GPC5: variants seen among roughly 807,000 people sequenced by gnomAD.
GPC5 encodes glypican-5.
A neutral mutation model predicts 53.9 loss-of-function variants in GPC5; 47 were observed. That is an observed-to-expected ratio of 0.87 (90% CI 0.69 to 1.11). GPC5 has a LOEUF of 1.11. Among genes scored for constraint, GPC5 ranks in the 50% most tolerant of loss-of-function variants. The pLI is 0.00. For synonymous variants in GPC5, 286 were observed against 263.3 expected (o/e 1.09, Z -0.84); for missense variants, 748 against 713.1 (o/e 1.05, Z -0.56).
intron 7 of GPC5, among the ~76,000 whole-genome samples, chr13:92,379,262 A>G (rs1045913954): frequency 1.3e-5 from 2 of 152,196 alleles, no homozygotes; most frequent in Non-Finnish European, 2.9e-5. Flanking sequence ...TAAGTTAATC[A>G]ATGTCCCTTC....
Position 92,560,857 on chromosome 13 carries a change from ATGTG to A in GPC5, c.1562-305387_1562-305384del, listed in dbSNP as rs34114433. On this transcript the variant is annotated intron_variant, in intron 7 of 7. Transcript: ENST00000377067. ...AAATGTTAGAGAAATAGAAAATTAT[ATGTG>A]TGTGTGTGTGTGTGTGTGTGTGTGT... 6.9e-3 allele frequency among the ~76,000 whole-genome samples: 956 copies of A among 139,244 alleles called. 8 individuals are homozygous for A. Among genetic ancestry groups the A allele is most frequent in the African/African-American group, 0.019 (723 of 38,088 alleles). 91.3% of individuals were successfully genotyped at this position (139,244 alleles called of 152,430 possible).
chr13:92,434,312 GA>G (rs1208390136), intron 7 of GPC5, among the ~76,000 whole-genome samples: 3 of 151,858 alleles, frequency 2.0e-5, no homozygotes, highest in Non-Finnish European at 4.4e-5. Context: ...AGTCATTCAA[GA>G]AAAAAATGTC....
chr13:91,572,490 A>G (rs1255009492), intron 2 of GPC5, among the ~76,000 whole-genome samples: 1 of 152,080 alleles, frequency 6.6e-6, no homozygotes, highest in East Asian at 1.9e-4. Flanking sequence ...CAGGAAGCTT[A>G]TAATCATGGC....
intron 6 of GPC5, among the ~76,000 whole-genome samples, chr13:91,935,836 G>C (rs1315357362): frequency 6.6e-6 from 1 of 151,920 alleles, no homozygotes; most frequent in Non-Finnish European, 1.5e-5. Flanking sequence ...CCTATAAACT[G>C]TATGACAAAT....
At chr13:92,732,894 TC>T (rs1888843818) in intron 7 of GPC5, among the ~76,000 whole-genome samples, 1 of 151,656 alleles carries the variant, frequency 6.6e-6, no homozygotes, top group Non-Finnish European at 1.5e-5. Flanking sequence ...CCTGGTTCTT[TC>T]CCATCCTGAG....
chr13:91,541,834 A>G (rs548178947), intron 2 of GPC5, among the ~76,000 whole-genome samples: 1 of 53,152 alleles, frequency 1.9e-5, no homozygotes, highest in Non-Finnish European at 5.2e-5. Flanking sequence ...AATAATAAAA[A>G]AGCAGTGATC....
At chr13:92,714,364 C>A (rs776133147) in intron 7 of GPC5, among the ~76,000 whole-genome samples, 24 of 152,160 alleles carry the variant, frequency 1.6e-4, no homozygotes, top group Non-Finnish European at 3.5e-4. Flanking sequence ...TGACTATGAA[C>A]AAAGAATTCT....
chr13:92,452,976 A>C (rs534395444), intron 7 of GPC5, among the ~76,000 whole-genome samples: 2 of 152,196 alleles, frequency 1.3e-5, no homozygotes, highest in Non-Finnish European at 2.9e-5. Context: ...ACTCGGGAGA[A>C]CTGGCTTGAG....
At chr13:91,747,133 T>A (rs1403963139) in intron 4 of GPC5, among the ~76,000 whole-genome samples, 2 of 152,204 alleles carry the variant, frequency 1.3e-5, no homozygotes, top group African/African-American at 4.8e-5. Context: ...ATTTTACACC[T>A]TACTAAAAGA....
At chr13:91,844,502 C>T (rs2038825904) in intron 5 of GPC5, among the ~76,000 whole-genome samples, 1 of 152,130 alleles carries the variant, frequency 6.6e-6, no homozygotes, top group African/African-American at 2.4e-5. Flanking sequence ...GAGCCAAAGG[C>T]CTGGGCTGTA....
chr13:92,111,151 A>C (rs1476701256), intron 6 of GPC5, among the ~76,000 whole-genome samples: 1 of 152,180 alleles, frequency 6.6e-6, no homozygotes, highest in Non-Finnish European at 1.5e-5. Flanking sequence ...AGGCTTCATG[A>C]TATCACAAAA....
chr13:91,632,834 A>G (rs2034193527), intron 2 of GPC5, among the ~76,000 whole-genome samples: 1 of 152,094 alleles, frequency 6.6e-6, no homozygotes. Flanking sequence ...GGGTAACAGA[A>G]TTTAGAAAGA....
At chr13:92,723,319 G>A (rs146188360) in intron 7 of GPC5, among the ~76,000 whole-genome samples, 30 of 37,222 alleles carry the variant, frequency 8.1e-4, no homozygotes, top group Middle Eastern at 0.016. Context: ...TTAACCCTCC[G>A]AATAACACTT....
chr13:91,544,922 CAT>C (rs1049699769), intron 2 of GPC5, among the ~76,000 whole-genome samples: 79 of 152,278 alleles, frequency 5.2e-4, no homozygotes, highest in African/African-American at 1.6e-3. Context: ...AAGGCTCACT[CAT>C]GTGGTTGTTG....
At chr13:91,904,140 C>CTTTTTTTTTTTTTTTTTTTTTTTT (rs57293387) in intron 5 of GPC5, among the ~76,000 whole-genome samples, 1 of 94,670 alleles carries the variant, frequency 1.1e-5, no homozygotes, top group African/African-American at 4.4e-5. Context: ...TCTTTTCTTT[C>CTTTTTTTTTTTTTTTTTTTTTTTT]TTTTTTTTTT....
chr13:91,424,159 G>C (rs1878838033), intron 1 of GPC5, among the ~76,000 whole-genome samples: 1 of 152,092 alleles, frequency 6.6e-6, no homozygotes, highest in Non-Finnish European at 1.5e-5. Flanking sequence ...GCACTGTAGT[G>C]GATCAGGATA....
intron 2 of GPC5, among the ~76,000 whole-genome samples, chr13:91,452,739 T>C (rs1389332802): frequency 1.3e-5 from 2 of 152,080 alleles, no homozygotes; most frequent in African/African-American, 2.4e-5. Context: ...TAAATCTCTG[T>C]TTAAATAAAA....
At chr13:91,925,494 A>G (rs1280011154) in intron 6 of GPC5, among the ~76,000 whole-genome samples, 1 of 152,208 alleles carries the variant, frequency 6.6e-6, no homozygotes, top group Non-Finnish European at 1.5e-5. Flanking sequence ...AGGTATTATG[A>G]TAGATTCAGG....
At chr13:91,506,440 G>C (rs1884949262) in intron 2 of GPC5, among the ~76,000 whole-genome samples, 1 of 151,932 alleles carries the variant, frequency 6.6e-6, no homozygotes, top group Admixed American at 6.6e-5. Context: ...GTATAGTCTG[G>C]TTTCCAGATA....
Sources: allele counts gnomAD v4.1 joint callset (sites outside exome capture counted in the v4.1 genomes callset), GRCh38; gene constraint gnomAD v4.1.1; transcripts MANE v1.5; gene names NCBI Gene and HGNC (gene_info 2026-07-23, HGNC 2026-07-21).